Variants in ADK observed in about 807,000 individuals in gnomAD.
ADK encodes the protein adenosine kinase, also known as N6,N6-dimethyladenosine kinase.
Under a neutral mutation model 44.7 loss-of-function variants are expected in ADK, and 24 were observed. That is an observed-to-expected ratio of 0.54 (90% confidence interval 0.39 to 0.76). The LOEUF (loss-of-function observed/expected upper bound fraction) is 0.76. ADK is among the 30% of genes least tolerant of loss of function. ADK has a pLI of 0.00. For missense variants in ADK, 321 were observed against 425.1 expected, an observed-to-expected ratio of 0.76 and a Z score of 2.15; for synonymous variants, 128 against 142.6, an observed-to-expected ratio of 0.90 and a Z score of 0.73.
intron 7 of ADK, among the ~76,000 whole-genome samples, chr10:74,557,181 T>G (rs1023750391): frequency 6.6e-6 from 1 of 152,184 alleles, no homozygotes; most frequent in Non-Finnish European, 1.5e-5. Flanking sequence ...TTCTCTTGAC[T>G]GAAACGTGTA....
chr10:74,523,552 C>G (rs186820685), intron 6 of ADK, among the ~76,000 whole-genome samples: 35 of 152,052 alleles, frequency 2.3e-4, no homozygotes, highest in Middle Eastern at 3.4e-3. Flanking sequence ...TGTTCTCTGC[C>G]TTGGGAATTA....
chr10:74,679,612 G>A (rs1443877934), intron 10 of ADK, among the ~76,000 whole-genome samples: 2 of 151,154 alleles, frequency 1.3e-5, no homozygotes, highest in East Asian at 1.9e-4. Context: ...TACTGATGAC[G>A]TGAATGCCAT....
chr10:74,491,195 G>T (rs1034511767), intron 6 of ADK, among the ~76,000 whole-genome samples: 1 of 152,050 alleles, frequency 6.6e-6, no homozygotes, highest in Non-Finnish European at 1.5e-5. Flanking sequence ...CTTATAGGTG[G>T]AAGATACTCA....
At chr10:74,208,186 C>T (rs1286430179) in intron 2 of ADK, among the ~76,000 whole-genome samples, 2 of 152,224 alleles carry the variant, frequency 1.3e-5, no homozygotes, top group Non-Finnish European at 2.9e-5. Context: ...CTTCCCGGGC[C>T]CCAGAGAGTG....
At chr10:74,356,989 T>C (rs1376169001) in intron 4 of ADK, among the ~76,000 whole-genome samples, 4 of 152,192 alleles carry the variant, frequency 2.6e-5, no homozygotes, top group African/African-American at 7.2e-5. Flanking sequence ...GAGCAATCTT[T>C]CTGGGCAGAG....
intron 7 of ADK, among the ~76,000 whole-genome samples, chr10:74,562,530 T>C (rs1850500805): frequency 6.6e-6 from 1 of 152,190 alleles, no homozygotes; most frequent in Non-Finnish European, 1.5e-5. Context: ...TGTCCTAACT[T>C]TTAACCTTTG....
At chr10:74,200,162 T>G (rs1038516516) in intron 1 of ADK, among the ~76,000 whole-genome samples, 3 of 147,040 alleles carry the variant, frequency 2.0e-5, no homozygotes, top group South Asian at 2.2e-4. Flanking sequence ...ATCTGTTTTT[T>G]TTTTTTTTTT....
rs566647959 is a variant in ADK, at chr10:74,181,235, A to AT, written c.66-19520dup. 1.5e-4 allele frequency among the ~76,000 whole-genome samples: 23 copies of AT among 150,712 alleles called. 1 individual carries two copies. The highest frequency in any genetic ancestry group is 2.9e-4 in the African/African-American group (12 of 41,082). On this transcript the variant is annotated intron_variant, in intron 1 of 10. Coordinates refer to ENST00000539909, the MANE Select transcript of ADK (RefSeq NM_006721.4). The stretch of plus-strand genomic sequence containing the variant: ...AACTCTGAGGAATTCCTAAATAATG[A>AT]TTTTTTTTTGGGGGGGGTCTCTTTA...
chr10:74,219,405 C>A (rs1173103748), intron 2 of ADK, among the ~76,000 whole-genome samples: 1 of 152,104 alleles, frequency 6.6e-6, no homozygotes, highest in African/African-American at 2.4e-5. Context: ...CTTAGACTCC[C>A]ACACATTAAT....
chr10:74,315,706 A>G (rs1592035330), intron 4 of ADK, among the ~76,000 whole-genome samples: 2 of 152,360 alleles, frequency 1.3e-5, no homozygotes, highest in Non-Finnish European at 1.5e-5. Context: ...ATTGACAAAT[A>G]AAATCCAGAA....
At chr10:74,283,225 G>A (rs1475462818) in intron 3 of ADK, among the ~76,000 whole-genome samples, 2 of 151,686 alleles carry the variant, frequency 1.3e-5, no homozygotes, top group East Asian at 3.9e-4. Flanking sequence ...CTTTTATAAC[G>A]ACCTTTATCT....
At chr10:74,472,823 C>T (rs1005686002) in intron 6 of ADK, among the ~76,000 whole-genome samples, 2 of 152,060 alleles carry the variant, frequency 1.3e-5, no homozygotes, top group Admixed American at 1.3e-4. Flanking sequence ...AGTGTTTTTT[C>T]CATACTCTAT....
chr10:74,168,753 C>G (rs1394277630), intron 1 of ADK, among the ~76,000 whole-genome samples: 1 of 151,222 alleles, frequency 6.6e-6, no homozygotes. Context: ...GCTGGAATTA[C>G]AGGCATGTGC....
intron 3 of ADK, among the ~76,000 whole-genome samples, chr10:74,231,983 GAT>G (rs997841756): frequency 6.8e-6 from 1 of 147,284 alleles, no homozygotes; most frequent in Non-Finnish European, 1.5e-5. Context: ...TTCTTTTACT[GAT>G]ATGGTCAGGT....
At chr10:74,402,668 C>A (rs1843760265) in intron 6 of ADK, among the ~76,000 whole-genome samples, 1 of 152,092 alleles carries the variant, frequency 6.6e-6, no homozygotes, top group Admixed American at 6.5e-5. Context: ...AGGTTTTTAG[C>A]TTCTTTTAGA....
At chr10:74,258,153 T>A (rs1845896671) in intron 3 of ADK, among the ~76,000 whole-genome samples, 1 of 152,160 alleles carries the variant, frequency 6.6e-6, no homozygotes, top group African/African-American at 2.4e-5. Context: ...TATTTAAGTA[T>A]TTTTTTAGTG....
intron 3 of ADK, among the ~76,000 whole-genome samples, chr10:74,275,032 A>T (rs1403770972): frequency 6.6e-6 from 1 of 151,800 alleles, no homozygotes; most frequent in Non-Finnish European, 1.5e-5. Context: ...TTTAGGTGGG[A>T]GGCAGACATT....
At chr10:74,502,391 G>C (rs575802462) in intron 6 of ADK, among the ~76,000 whole-genome samples, 1 of 152,000 alleles carries the variant, frequency 6.6e-6, no homozygotes, top group Non-Finnish European at 1.5e-5. Flanking sequence ...TTGCCAAAAA[G>C]CAAGCCATAG....
At chr10:74,579,103 G>A (rs1020746292) in intron 7 of ADK, among the ~76,000 whole-genome samples, 2 of 151,994 alleles carry the variant, frequency 1.3e-5, no homozygotes, top group South Asian at 2.1e-4. Flanking sequence ...GTGTGGTGGC[G>A]TGTGTCTGTA....
Sources: allele counts gnomAD v4.1 joint callset (sites outside exome capture counted in the v4.1 genomes callset), GRCh38; gene constraint gnomAD v4.1.1; transcripts MANE v1.5; gene names NCBI Gene and HGNC (gene_info 2026-07-23, HGNC 2026-07-21).